GALM: variants seen among roughly 807,000 people sequenced by gnomAD.
GALM encodes aldose 1-epimerase.
In GALM, 43 loss-of-function variants were observed where a neutral mutation model predicts 37.4. That is an observed-to-expected ratio of 1.15 (90% CI 0.90 to 1.48). The LOEUF is 1.48. Ranked by LOEUF, GALM falls within the 40% of genes most tolerant of loss-of-function variation. The pLI is 0.00. For missense variants in GALM, 456 were observed against 419.1 expected, an observed-to-expected ratio of 1.09 and a Z score of -0.77; for synonymous variants, 199 against 170.6, an observed-to-expected ratio of 1.17 and a Z score of -1.30.
intron 1 of GALM, chr2:38,668,890 A>G (rs1006344702): frequency 6.6e-6 from 1 of 152,204 alleles, no homozygotes; most frequent in African/African-American, 2.4e-5. Context: ...AGCCATGCGG[A>G]AGATCTGAGC....
intron 2 of GALM, among the ~76,000 whole-genome samples, chr2:38,677,626 G>A (rs1665290302): frequency 6.6e-6 from 1 of 152,168 alleles, no homozygotes; most frequent in South Asian, 2.1e-4. Context: ...GCTTGCCCCT[G>A]CTCCCCCTGT....
chr2:38,734,516 G>A lies in GALM; in HGVS notation c.*951G>A, dbSNP rs1318294816. 2 of 151,868 alleles carry A rather than the reference G, an allele frequency of 1.3e-5. No individual in the cohort carries two copies. The allele number at this position is 151,868 out of a possible 1,614,324, so 9.4% of individuals were successfully genotyped here. The stretch of plus-strand genomic sequence containing the variant: ...GCACAGCCCGGCCAACGCTTGGGAA[G>A]AAAGACAGGCAAGCACTGGAAACAG... On this transcript the variant is annotated 3_prime_UTR_variant, in exon 7 of 7. Coordinates refer to ENST00000272252, the MANE Select transcript of GALM (RefSeq NM_138801.3).
At chr2:38,701,467 T>C (rs544532216) in intron 4 of GALM, among the ~76,000 whole-genome samples, 25 of 152,356 alleles carry the variant, frequency 1.6e-4, no homozygotes, top group African/African-American at 4.6e-4. Context: ...CCCTCTTCTT[T>C]TTTATTCTTA....
At chr2:38,688,750 C>T (rs1304913047) in intron 3 of GALM, among the ~76,000 whole-genome samples, 2 of 152,216 alleles carry the variant, frequency 1.3e-5, no homozygotes, top group East Asian at 3.9e-4. Context: ...CAACACAATG[C>T]ACCTTTCCTA....
intron 4 of GALM, among the ~76,000 whole-genome samples, chr2:38,707,940 T>C: frequency 6.6e-6 from 1 of 151,956 alleles, no homozygotes; most frequent in East Asian, 1.9e-4. Context: ...AAACCCTGTC[T>C]CTACTAAAAA....
At chr2:38,733,442 G>T (rs774200271) in intron 6 of GALM, 46 bp from the exon 7 acceptor site, 2 of 1,501,328 alleles carry the variant, frequency 1.3e-6, no homozygotes, top group South Asian at 2.3e-5. Context: ...GGTTAATGTT[G>T]CAGCCTGCGG....
In GALM at chr2:38,681,127, C is replaced by T. The variant is rs115577667; in HGVS notation, c.346-153C>T. On this transcript the variant is annotated intron_variant, in intron 2 of 6. Transcript: ENST00000272252. Reference sequence around the variant, plus strand: ...CCTGGACAACATAGTGAGACCCTGTCTCAAAAAAAAAAAAAATCCAGGCTA... The same window carrying T: ...CCTGGACAACATAGTGAGACCCTGTTTCAAAAAAAAAAAAAATCCAGGCTA... 4.8e-3 allele frequency among the ~76,000 whole-genome samples: 673 copies of T among 139,932 alleles called. 3 individuals are homozygous for T. The highest frequency in any genetic ancestry group is 6.7e-3 in the Non-Finnish European group (446 of 66,494). The allele number at this position is 139,932 out of a possible 152,430, so 91.8% of individuals were successfully genotyped here.
At chr2:38,669,891 TTTTC>T in intron 1 of GALM, among the ~76,000 whole-genome samples, 1 of 137,804 alleles carries the variant, frequency 7.3e-6, no homozygotes, top group Admixed American at 6.9e-5. Flanking sequence ...AAAAAAAAGT[TTTTC>T]TTTTTTTTTT....
chr2:38,666,358 T>A lies in GALM; in HGVS notation c.190+7T>A, dbSNP rs763396461. ...GGCTTCGCCGAGTTGGAAGGTGGGT[T>A]GAACTGTGCCCTGGGCTGCGAGCAG... is the stretch of plus-strand genomic sequence containing the variant. On this transcript the variant is annotated splice_region_variant and intron_variant, in intron 1 of 6. Transcript: ENST00000272252. 1.9e-6 allele frequency: 3 copies of A among 1,606,724 alleles called. No homozygotes were observed. The highest frequency in any genetic ancestry group is 8.5e-7 in the Non-Finnish European group (1 of 1,175,520).
At chr2:38,700,420 G>C (rs948785389) in intron 4 of GALM, among the ~76,000 whole-genome samples, 1 of 151,908 alleles carries the variant, frequency 6.6e-6, no homozygotes, top group Non-Finnish European at 1.5e-5. Context: ...TCCAGTGTTG[G>C]GTGCATATAT....
intron 5 of GALM, among the ~76,000 whole-genome samples, chr2:38,731,235 CA>C (rs964943730): frequency 2.0e-5 from 3 of 151,560 alleles, no homozygotes; most frequent in African/African-American, 7.3e-5. Context: ...TCAAAACAAA[CA>C]AACAAACAAA....
chr2:38,667,860 C>T (rs1300418477), intron 1 of GALM, among the ~76,000 whole-genome samples: 1 of 152,150 alleles, frequency 6.6e-6, no homozygotes, highest in Non-Finnish European at 1.5e-5. Context: ...TATACTCTAA[C>T]CTTTCCCTCT....
At chr2:38,676,318 A>G (rs1665259926) in intron 2 of GALM, among the ~76,000 whole-genome samples, 1 of 152,102 alleles carries the variant, frequency 6.6e-6, no homozygotes, top group African/African-American at 2.4e-5. Context: ...ATGAGAAACA[A>G]CTTTCTCACA....
In GALM at chr2:38,708,390, G is replaced by T. The variant is rs1294055071; in HGVS notation, c.634+18496G>T. ...TCATTTGCTTTAGCACAGGGCCATG[G>T]AATCTGTCCCAGCATCCTAGAAGCT... On this transcript the variant is annotated intron_variant, in intron 4 of 6. Coordinates refer to ENST00000272252, the MANE Select transcript of GALM (RefSeq NM_138801.3). 3.3e-5 allele frequency among the ~76,000 whole-genome samples: 5 copies of T among 152,278 alleles called. No individual in the cohort carries two copies. The East Asian group carries it at 9.6e-4, about 29-fold the overall frequency.
Position 38,719,645 on chromosome 2 carries a change from G to A in GALM, c.635-9911G>A, listed in dbSNP as rs557594578. Among the ~76,000 whole-genome samples the A allele has an allele frequency of 7.9e-5, 12 of 151,028 alleles. 1 individual carries two copies. Among genetic ancestry groups the A allele is most frequent in the African/African-American group, 2.9e-4 (12 of 41,066 alleles). ...CAAAAATTAGCCAGGTGTGGTGGCG[G>A]GCACCTATAATCTCAGCTACTTGGG... On this transcript the variant is annotated intron_variant, in intron 4 of 6. Transcript: ENST00000272252.
chr2:38,711,865 ATC>A (rs1666178002), intron 4 of GALM, among the ~76,000 whole-genome samples: 1 of 146,808 alleles, frequency 6.8e-6, no homozygotes, highest in African/African-American at 2.5e-5. Flanking sequence ...CATCATCATC[ATC>A]ATCAACATCA....
intron 4 of GALM, among the ~76,000 whole-genome samples, chr2:38,728,053 C>T (rs1323795379): frequency 6.6e-6 from 1 of 152,152 alleles, no homozygotes; most frequent in African/African-American, 2.4e-5. Flanking sequence ...AACCTCCTAA[C>T]ATTTGCATTT....
intron 6 of GALM, among the ~76,000 whole-genome samples, chr2:38,732,939 G>A (rs1029593148): frequency 6.2e-5 from 9 of 144,924 alleles, no homozygotes; most frequent in African/African-American, 2.2e-4. Flanking sequence ...AAAAAAAAAG[G>A]GCCAGGTGCG....
chr2:38,732,504 G>A (rs1202764503), intron 6 of GALM, among the ~76,000 whole-genome samples: 3 of 152,146 alleles, frequency 2.0e-5, no homozygotes, highest in South Asian at 4.1e-4. Context: ...ATACCTTCTC[G>A]TTTTCTGCAG....
Sources: gnomAD v4.1 joint callset for allele counts (sites outside exome capture counted in the v4.1 genomes callset) on GRCh38, gnomAD v4.1.1 for gene constraint, MANE v1.5 for transcripts, NCBI Gene and HGNC (gene_info 2026-07-23, HGNC 2026-07-21) for gene names.